The following PHACTR1 variants were observed in gnomAD, a reference collection of about 807,000 sequenced individuals.
PHACTR1 encodes phosphatase and actin regulator 1.
A neutral mutation model predicts 69.2 loss-of-function variants in PHACTR1; 16 were observed. The ratio of observed to expected loss-of-function variants is 0.23; its 90% confidence interval spans 0.16 to 0.35. PHACTR1 has a LOEUF of 0.35. Ranked by LOEUF, PHACTR1 falls within the 10% of genes least tolerant of loss-of-function variation. The pLI is 1.00. For synonymous variants in PHACTR1, 312 were observed against 284.5 expected (o/e 1.10, Z -0.97); for missense variants, 510 against 734.7 (o/e 0.69, Z 3.54).
chr6:13,135,608 C>A (rs1442036199), intron 5 of PHACTR1, among the ~76,000 whole-genome samples: 2 of 152,214 alleles, frequency 1.3e-5, no homozygotes, highest in Non-Finnish European at 2.9e-5. Flanking sequence ...AATTTTAAAG[C>A]AGCTGTGACC....
chr6:12,791,777 ATGCT>A (rs1442200461), intron 4 of PHACTR1, among the ~76,000 whole-genome samples: 4 of 152,326 alleles, frequency 2.6e-5, no homozygotes, highest in Admixed American at 2.6e-4. Flanking sequence ...CTTTCAGTGA[ATGCT>A]TGCTGATCAC....
chr6:13,083,310 G>GT, intron 5 of PHACTR1, among the ~76,000 whole-genome samples: 1 of 152,176 alleles, frequency 6.6e-6, no homozygotes, highest in Admixed American at 6.5e-5. Context: ...CTATATCTCT[G>GT]TTTTGGTACC....
chr6:13,278,230 T>C, intron 11 of PHACTR1, 38 bp from the exon 12 acceptor site: 1 of 1,548,062 alleles, frequency 6.5e-7, no homozygotes, highest in South Asian at 1.2e-5. Flanking sequence ...ACAACACTGT[T>C]TACTGAAATA....
At chr6:12,882,206 A>G (rs138793417) in intron 4 of PHACTR1, among the ~76,000 whole-genome samples, 4 of 152,232 alleles carry the variant, frequency 2.6e-5, no homozygotes, top group Non-Finnish European at 5.9e-5. Context: ...GTGAAAAATA[A>G]GATAGTAGCT....
intron 4 of PHACTR1, among the ~76,000 whole-genome samples, chr6:12,974,296 T>C (rs1374433523): frequency 2.0e-5 from 3 of 152,162 alleles, no homozygotes; most frequent in Non-Finnish European, 4.4e-5. Flanking sequence ...ATGCAAGCAA[T>C]GCCATTCTCT....
chr6:13,089,273 C>T (rs555126887), intron 5 of PHACTR1, among the ~76,000 whole-genome samples: 1 of 152,338 alleles, frequency 6.6e-6, no homozygotes, highest in South Asian at 2.1e-4. Context: ...CCCCTGGAAG[C>T]TCTTGGCCAT....
At position 13,122,186 on chromosome 6, in the gene PHACTR1, A is replaced by G. The variant is rs548114636; in HGVS notation, c.416-38018A>G. On this transcript the variant is annotated intron_variant, in intron 5 of 14. Transcript: ENST00000332995. ...GGTAGGCAATCCAATGAGGATTGAA[A>G]TAAGTGTTTTAAGAAAACATTTTTA... is the stretch of plus-strand genomic sequence containing the variant. Among the ~76,000 whole-genome samples the G allele has an allele frequency of 3.9e-5, 6 of 152,334 alleles. No individual in the cohort carries two copies. The East Asian group carries it at 1.2e-3, about 29-fold the overall frequency.
chr6:13,056,652 A>G (rs1344714728), intron 5 of PHACTR1, among the ~76,000 whole-genome samples: 7 of 152,154 alleles, frequency 4.6e-5, no homozygotes, highest in Non-Finnish European at 1.0e-4. Context: ...AGTGGGAGAA[A>G]TGGTCAGTAC....
chr6:13,159,436 C>T (rs1758658144), intron 5 of PHACTR1, among the ~76,000 whole-genome samples: 1 of 152,176 alleles, frequency 6.6e-6, no homozygotes, highest in Non-Finnish European at 1.5e-5. Context: ...GGCATGATCT[C>T]TATGAACTAG....
chr6:13,197,064 T>C (rs1305839762), intron 7 of PHACTR1, among the ~76,000 whole-genome samples: 1 of 152,180 alleles, frequency 6.6e-6, no homozygotes, highest in East Asian at 1.9e-4. Context: ...ATAAGGTACT[T>C]TGCAATTTAC....
At chr6:12,801,211 T>A (rs1369693269) in intron 4 of PHACTR1, among the ~76,000 whole-genome samples, 4 of 152,194 alleles carry the variant, frequency 2.6e-5, no homozygotes, top group Non-Finnish European at 5.9e-5. Context: ...GAATGTATTA[T>A]AAAAAGGCTG....
chr6:13,139,452 G>A (rs1229441707), intron 5 of PHACTR1, among the ~76,000 whole-genome samples: 1 of 152,070 alleles, frequency 6.6e-6, no homozygotes, highest in Non-Finnish European at 1.5e-5. Context: ...TGTTTTTTCC[G>A]TTGTATTTAT....
intron 4 of PHACTR1, among the ~76,000 whole-genome samples, chr6:13,041,581 G>C (rs1003517576): frequency 2.6e-5 from 4 of 152,118 alleles, no homozygotes; most frequent in Non-Finnish European, 4.4e-5. Flanking sequence ...AAAGGAAGTA[G>C]ACTCAAGAAG....
intron 4 of PHACTR1, among the ~76,000 whole-genome samples, chr6:12,861,496 GAAACAGAGAAGCT>G (rs1780935157): frequency 6.6e-6 from 1 of 152,186 alleles, no homozygotes; most frequent in Admixed American, 6.5e-5. Context: ...TTGAAAAGAG[GAAACAGAGAAGCT>G]AAACTCCTTT....
intron 4 of PHACTR1, among the ~76,000 whole-genome samples, chr6:12,908,416 T>C (rs951740031): frequency 6.6e-6 from 1 of 152,094 alleles, no homozygotes; most frequent in African/African-American, 2.4e-5. Context: ...GAAAGCTTGG[T>C]GGCTGTCCCT....
At chr6:12,870,152 G>A (rs1042683260) in intron 4 of PHACTR1, among the ~76,000 whole-genome samples, 1 of 151,662 alleles carries the variant, frequency 6.6e-6, no homozygotes, top group Admixed American at 6.6e-5. Flanking sequence ...TGCTTCCCCT[G>A]TATCAACAAC....
chr6:12,843,091 A>C (rs998291061), intron 4 of PHACTR1, among the ~76,000 whole-genome samples: 5 of 152,222 alleles, frequency 3.3e-5, no homozygotes, highest in Admixed American at 2.6e-4. Flanking sequence ...AAGTATCTTA[A>C]TGTGGGAACT....
chr6:13,250,721 A>G (rs1415266887), intron 10 of PHACTR1, among the ~76,000 whole-genome samples: 1 of 152,226 alleles, frequency 6.6e-6, no homozygotes, highest in African/African-American at 2.4e-5. Flanking sequence ...CAAGTCCTGC[A>G]GGAAAAGGTG....
At chr6:13,282,583 G>A (rs147082081) in intron 12 of PHACTR1, among the ~76,000 whole-genome samples, 82 of 152,228 alleles carry the variant, frequency 5.4e-4, no homozygotes, top group African/African-American at 1.8e-3. Context: ...GCAGAGGGCC[G>A]TCAGCAATGT....
Sources: allele counts gnomAD v4.1 joint callset (sites outside exome capture counted in the v4.1 genomes callset), GRCh38; gene constraint gnomAD v4.1.1; transcripts MANE v1.5; gene names NCBI Gene and HGNC (gene_info 2026-07-23, HGNC 2026-07-21).